The following CPEB3 variants were observed in gnomAD, a reference collection of about 807,000 sequenced individuals.
CPEB3 encodes cytoplasmic polyadenylation element-binding protein 3.
A neutral mutation model predicts 67.2 loss-of-function variants in CPEB3; 20 were observed. The observed-to-expected ratio is 0.30, with a 90% CI of 0.21 to 0.43. The LOEUF is 0.43. Among genes scored for constraint, CPEB3 ranks in the 20% least tolerant of loss-of-function variants. The pLI is 1.00. For missense variants in CPEB3, 746 were observed against 968.6 expected (o/e 0.77, Z 3.05); for synonymous variants, 376 against 393.1 (o/e 0.96, Z 0.51).
chr10:92,128,157 G>C (rs1845685345), intron 6 of CPEB3, among the ~76,000 whole-genome samples: 1 of 152,068 alleles, frequency 6.6e-6, no homozygotes, highest in Admixed American at 6.6e-5. Flanking sequence ...TTATCCTACA[G>C]AAAATAATCT....
At chr10:92,265,622 A>G (rs1011995013) in intron 1 of CPEB3, among the ~76,000 whole-genome samples, 6 of 151,238 alleles carry the variant, frequency 4.0e-5, no homozygotes, top group African/African-American at 7.3e-5. Flanking sequence ...AGGCATAGTG[A>G]CCTGTAATCC....
chr10:92,068,856 C>T (rs760879676), intron 9 of CPEB3, among the ~76,000 whole-genome samples: 28 of 152,144 alleles, frequency 1.8e-4, no homozygotes, highest in Non-Finnish European at 3.5e-4. Context: ...CTCTGGGACT[C>T]CCAGTACTTC....
At chr10:92,129,325 A>G (rs1845736919) in intron 6 of CPEB3, among the ~76,000 whole-genome samples, 1 of 152,134 alleles carries the variant, frequency 6.6e-6, no homozygotes, top group Non-Finnish European at 1.5e-5. Context: ...AACAGACACA[A>G]TAGACACTGG....
rs186995371 is a variant in CPEB3 at position 92,058,283 on chromosome 10, C to T, written c.1870-5844G>A. Among the ~76,000 whole-genome samples the T allele has an allele frequency of 1.1e-4, 16 of 152,204 alleles. 1 individual carries two copies. Among genetic ancestry groups the T allele is most frequent in the African/African-American group, 3.4e-4 (14 of 41,522 alleles). On this transcript the variant is annotated intron_variant, in intron 9 of 9. Coordinates refer to ENST00000265997, the MANE Select transcript of CPEB3 (RefSeq NM_014912.5). Reference sequence around the variant, plus strand: ...TATTCGGGCCGGGCACAGTGGCTCACGCCTGTAATACCTGCACTTTGGGAG... The same window carrying T: ...TATTCGGGCCGGGCACAGTGGCTCATGCCTGTAATACCTGCACTTTGGGAG...
intron 7 of CPEB3, among the ~76,000 whole-genome samples, chr10:92,095,602 T>A (rs201075482): frequency 0.025 from 1,846 of 73,494 alleles, 21 homozygotes; most frequent in Middle Eastern, 0.037. Flanking sequence ...ATATATATAT[T>A]TTTTTTTTTT....
Position 92,239,461 on chromosome 10 carries a change from G to A in CPEB3, c.890C>T (p.Ser297Phe), listed in dbSNP as rs1369095533. The change falls in exon 2 of 10, where the codon TCC (serine) becomes TTC (phenylalanine). Residue 297 changes from serine (S) to phenylalanine (F), a missense_variant. Transcript: ENST00000265997. The surrounding 1 kb of genome is among the most constrained non-coding windows in gnomAD (Gnocchi z 6.0). ...CTTGGGCGGCGCGATCACGTTGCTG[G>A]AGAAGGGCTTTTTGAGCGGCGAGAT... ...NPISPLKKPF[S>F]SNVIAPPKFP... 2.5e-6 allele frequency: 4 copies of A among 1,597,278 alleles called. No homozygotes were observed. Among genetic ancestry groups the A allele is most frequent in the Non-Finnish European group, 2.6e-6 (3 of 1,171,654 alleles).
At chr10:92,129,831 C>T (rs530306591) in intron 6 of CPEB3, among the ~76,000 whole-genome samples, 95 of 152,178 alleles carry the variant, frequency 6.2e-4, no homozygotes, top group African/African-American at 2.1e-3. Flanking sequence ...CGCTTGAGCC[C>T]AGGAGTTTGA....
At chr10:92,285,164 G>C (rs560067175) in intron 1 of CPEB3, among the ~76,000 whole-genome samples, 1 of 152,304 alleles carries the variant, frequency 6.6e-6, no homozygotes, top group Admixed American at 6.5e-5. Flanking sequence ...TCATTCCCTT[G>C]ATAACTATAT....
At chr10:92,138,581 C>T (rs1280366627) in intron 6 of CPEB3, among the ~76,000 whole-genome samples, 2 of 148,236 alleles carry the variant, frequency 1.3e-5, no homozygotes, top group Admixed American at 1.3e-4. Context: ...AAATGGCAAA[C>T]AGATATATGA....
intron 3 of CPEB3, among the ~76,000 whole-genome samples, chr10:92,190,106 C>T (rs896749147): frequency 2.6e-5 from 4 of 151,662 alleles, no homozygotes; most frequent in African/African-American, 7.3e-5. Flanking sequence ...GGTGACACCC[C>T]GTCTCTACTA....
intron 1 of CPEB3, among the ~76,000 whole-genome samples, chr10:92,246,511 C>CT (rs755522694): frequency 0.011 from 1,558 of 143,814 alleles, 10 homozygotes; most frequent in Non-Finnish European, 0.018. Context: ...AGGATGTCAA[C>CT]TTTTTTTTTT....
intron 6 of CPEB3, among the ~76,000 whole-genome samples, chr10:92,123,790 G>A (rs995835841): frequency 6.6e-6 from 1 of 152,178 alleles, no homozygotes; most frequent in African/African-American, 2.4e-5. Flanking sequence ...TCTTAATGCT[G>A]TTTCAAATGA....
chr10:92,291,140 C>T, upstream of CPEB3: 2 of 399,036 alleles, frequency 5.0e-6, no homozygotes, highest in East Asian at 5.9e-5. Context: ...CGTCGTAACC[C>T]TGGCGCGCAC....
intron 4 of CPEB3, among the ~76,000 whole-genome samples, chr10:92,163,864 C>T (rs988815632): frequency 6.6e-6 from 1 of 152,130 alleles, no homozygotes; most frequent in African/African-American, 2.4e-5. Context: ...TATTCATCTG[C>T]TACATTCACA....
intron 6 of CPEB3, among the ~76,000 whole-genome samples, chr10:92,133,449 C>A (rs1845940157): frequency 6.6e-6 from 1 of 152,176 alleles, no homozygotes; most frequent in South Asian, 2.1e-4. Context: ...GACACATACA[C>A]CCTCCCAAGA....
intron 1 of CPEB3, among the ~76,000 whole-genome samples, chr10:92,250,496 AT>A (rs1436351838): frequency 6.6e-6 from 1 of 152,196 alleles, no homozygotes; most frequent in Non-Finnish European, 1.5e-5. Context: ...AGTTCTTTTT[AT>A]AAATTTAGTG....
intron 8 of CPEB3, among the ~76,000 whole-genome samples, chr10:92,089,543 T>C (rs1403244628): frequency 6.6e-6 from 1 of 152,116 alleles, no homozygotes; most frequent in Non-Finnish European, 1.5e-5. Context: ...TCCCAGCACT[T>C]TGGGAGGCCG....
chr10:92,119,162 T>A, intron 6 of CPEB3: 1 of 1,582,916 alleles, frequency 6.3e-7, no homozygotes, highest in Non-Finnish European at 8.7e-7. Context: ...GGCAGCCATA[T>A]GAAGAACGGA....
chr10:92,283,454 A>G (rs1312069688), intron 1 of CPEB3, among the ~76,000 whole-genome samples: 1 of 152,180 alleles, frequency 6.6e-6, no homozygotes, highest in Non-Finnish European at 1.5e-5. Context: ...ATCTGACTAA[A>G]AGAGATTCTG....
Sources: allele counts gnomAD v4.1 joint callset (sites outside exome capture counted in the v4.1 genomes callset), GRCh38; gene constraint gnomAD v4.1.1; non-coding constraint Gnocchi (gnomAD v3.1); transcripts MANE v1.5; gene names NCBI Gene and HGNC (gene_info 2026-07-23, HGNC 2026-07-21).